GPR63: variants seen among roughly 807,000 people sequenced by gnomAD.
The protein encoded by GPR63 is G protein-coupled receptor 63, also known as probable G protein-coupled receptor 63.
GPR63 carries 12 observed loss-of-function variants against 23.1 expected under a neutral mutation model. That is an observed-to-expected ratio of 0.52 (90% CI 0.33 to 0.84). The LOEUF is 0.84. Ranked by LOEUF, GPR63 falls within the 40% of genes least tolerant of loss-of-function variation. GPR63 has a pLI of 0.02. For missense variants in GPR63, 472 were observed against 515.6 expected (o/e 0.92, Z 0.82); for synonymous variants, 172 against 191.1 (o/e 0.90, Z 0.82).
chr6:96,796,772 C>T lies in GPR63; in HGVS notation c.*1700G>A, dbSNP rs1045068458. The T allele has an allele frequency of 6.6e-6, 1 of 151,302 alleles. No homozygotes were observed. Among genetic ancestry groups the T allele is most frequent in the African/African-American group, 2.4e-5 (1 of 41,070 alleles). 9.4% of individuals were successfully genotyped at this position (151,302 alleles called of 1,614,324 possible). Reference sequence around the variant, plus strand: ...GATGGACAACTGGAAACCTCCAAACCCGCAGGGGCAAGACCTACACATAGC... The same window carrying T: ...GATGGACAACTGGAAACCTCCAAACTCGCAGGGGCAAGACCTACACATAGC... On this transcript the variant is annotated 3_prime_UTR_variant, in exon 2 of 2. Transcript: ENST00000229955.
rs1270395158 is a variant in GPR63 at position 96,798,171 on chromosome 6, A to G, written c.*301T>C. On this transcript the variant is annotated 3_prime_UTR_variant, in exon 2 of 2. Transcript: ENST00000229955. Reference sequence around the variant, plus strand: ...ATTCAATGTAACTGCAGGCTCAATAAAGCACAATCCTGATTCCCACTATGA... The same window carrying G: ...ATTCAATGTAACTGCAGGCTCAATAGAGCACAATCCTGATTCCCACTATGA... 4 of 287,176 alleles carry G rather than the reference A, an allele frequency of 1.4e-5. No individual in the cohort carries two copies. The highest frequency in any genetic ancestry group is 7.3e-5 in the South Asian group (1 of 13,714). 17.8% of individuals were successfully genotyped at this position (287,176 alleles called of 1,614,324 possible).
Position 96,799,221 on chromosome 6 carries a change from T to C in GPR63, c.511A>G (p.Ile171Val), listed in dbSNP as rs1451124364. The C allele has an allele frequency of 6.2e-7, 1 of 1,614,208 alleles. No individual in the cohort carries two copies. Residue 171 changes from isoleucine to valine, a missense_variant, in exon 2 of 2, where the codon ATC (isoleucine) becomes GTC (valine). By Grantham distance (29) the Ile-to-Val change is conservative. Coordinates refer to ENST00000229955, the MANE Select transcript of GPR63 (RefSeq NM_030784.4). ...FWLFVIEGVA[I>V]LLIISIDRFL... is the part of the protein sequence containing the mutation. ...CTATCTATGCTAATGATGAGCAGGA[T>C]GGCTACTCCTTCTATCACAAATAAC...
intron 1 of GPR63, among the ~76,000 whole-genome samples, chr6:96,814,792 C>T (rs1349497336): frequency 1.3e-5 from 2 of 151,948 alleles, no homozygotes; most frequent in African/African-American, 4.8e-5. Context: ...GGGCCTGAGG[C>T]AGCATGAGAG....
At chr6:96,834,437 C>T (rs1774668870) in intron 1 of GPR63, among the ~76,000 whole-genome samples, 1 of 152,026 alleles carries the variant, frequency 6.6e-6, no homozygotes, top group Non-Finnish European at 1.5e-5. Context: ...TGATCTCAGG[C>T]TGGTAGTCAA....
intron 1 of GPR63, among the ~76,000 whole-genome samples, chr6:96,801,196 A>C (rs1405706621): frequency 1.3e-5 from 2 of 150,582 alleles, no homozygotes; most frequent in Admixed American, 1.3e-4. Context: ...ATTTCGACTT[A>C]GAATCAGTCA....
At position 96,805,359 on chromosome 6, in the gene GPR63, G is replaced by T. The variant is rs12526630; in HGVS notation, c.-150-5478C>A. 2.9e-3 allele frequency among the ~76,000 whole-genome samples: 442 copies of T among 152,178 alleles called. 4 individuals are homozygous for T. The highest frequency in any genetic ancestry group is 9.9e-3 in the African/African-American group (409 of 41,516). ...CTCAGTGCAAAAACTCACTCACTAC[G>T]GGGAGGACAGCATCAAGGCATTCAT... On this transcript the variant is annotated intron_variant, in intron 1 of 1. Transcript: ENST00000229955.
chr6:96,803,642 G>A (rs1031873717), intron 1 of GPR63, among the ~76,000 whole-genome samples: 4 of 152,232 alleles, frequency 2.6e-5, no homozygotes, highest in African/African-American at 7.2e-5. Flanking sequence ...AACCAAAGCA[G>A]TGCTCTTGAA....
rs1287991528 is a variant in GPR63, at chr6:96,796,146, A to G, written c.*2326T>C. On this transcript the variant is annotated 3_prime_UTR_variant, in exon 2 of 2. Transcript: ENST00000229955. ...CTTTCAATGCCCCAACTCCTGATAC[A>G]GTGCCACACTCTTCAGACATTTAAT... is the stretch of plus-strand genomic sequence containing the variant. 1 of 152,184 alleles carries G rather than the reference A, an allele frequency of 6.6e-6. No individual in the cohort carries two copies. The highest frequency in any genetic ancestry group is 2.4e-5 in the African/African-American group (1 of 41,434). The allele number at this position is 152,184 out of a possible 1,614,324, so 9.4% of individuals were successfully genotyped here. A position where few individuals can be genotyped will look rare whatever the true frequency, so the allele number is the denominator to read the frequency against.
intron 1 of GPR63, among the ~76,000 whole-genome samples, chr6:96,821,931 G>A (rs1207575102): frequency 1.3e-5 from 2 of 151,832 alleles, no homozygotes; most frequent in African/African-American, 4.8e-5. Context: ...CAGGTACCTC[G>A]TTTCCAAGGA....
chr6:96,799,855 T>G lies in GPR63; in HGVS notation c.-124A>C. 2 of 916,494 alleles carry G rather than the reference T, an allele frequency of 2.2e-6. No homozygotes were observed. Among genetic ancestry groups the G allele is most frequent in the East Asian group, 5.0e-5 (2 of 39,858 alleles). The allele number at this position is 916,494 out of a possible 1,614,324, so 56.8% of individuals were successfully genotyped here. ...TACATTCTGGAAAATGGACAATGAG[T>G]TCCATCTTCCACAAGAGTCCTTTTG... On this transcript the variant is annotated 5_prime_UTR_variant, in exon 2 of 2. Transcript: ENST00000229955.
Position 96,797,053 on chromosome 6 carries a change from A to C in GPR63, c.*1419T>G, listed in dbSNP as rs1773600043. 6.6e-6 allele frequency: 1 copy of C among 151,450 alleles called. No individual in the cohort carries two copies. Among genetic ancestry groups the C allele is most frequent in the African/African-American group, 2.4e-5 (1 of 41,356 alleles). 9.4% of individuals were successfully genotyped at this position (151,450 alleles called of 1,614,324 possible). ...GTGAAACCTTGTCTTTACAAAAGAA[A>C]ATACAAAAAAATAGCTGGGTGTGGT... On this transcript the variant is annotated 3_prime_UTR_variant, in exon 2 of 2. Transcript: ENST00000229955.
chr6:96,799,089 C>T lies in GPR63; in HGVS notation c.643G>A (p.Val215Ile), dbSNP rs1582243166. The T allele has an allele frequency of 6.2e-7, 1 of 1,614,118 alleles. No individual in the cohort carries two copies. The highest frequency in any genetic ancestry group is 2.2e-5 in the East Asian group (1 of 44,880). Residue 215 changes from valine to isoleucine, a missense_variant, in exon 2 of 2, where the codon GTA (valine) becomes ATA (isoleucine). Physicochemically the swap from Val to Ile is conservative, Grantham distance 29. Transcript: ENST00000229955. ...GGTATCTGCAGGTCGGGGTTTCCTA[C>T]GGCTAAAGGAAAAGCTACACAAAAG... is the stretch of plus-strand genomic sequence containing the variant. ...TSFCVAFPLAVGNPDLQIPSR... is the reference protein window; with the variant it reads ...TSFCVAFPLAIGNPDLQIPSR...
intron 1 of GPR63, among the ~76,000 whole-genome samples, chr6:96,806,756 C>G (rs1773906945): frequency 6.6e-6 from 1 of 152,184 alleles, no homozygotes; most frequent in African/African-American, 2.4e-5. Flanking sequence ...GGGCACAGTT[C>G]AGTTACATGA....
At chr6:96,833,939 T>C (rs1013965793) in intron 1 of GPR63, among the ~76,000 whole-genome samples, 2 of 152,168 alleles carry the variant, frequency 1.3e-5, no homozygotes, top group African/African-American at 2.4e-5. Context: ...CCCCCATACC[T>C]GCAAATATAC....
intron 1 of GPR63, among the ~76,000 whole-genome samples, chr6:96,814,304 C>T (rs540737667): frequency 1.3e-5 from 2 of 152,110 alleles, no homozygotes; most frequent in African/African-American, 4.8e-5. Flanking sequence ...AATTGCCTCT[C>T]GTCTTTGAGC....
chr6:96,818,534 C>G (rs1283403018), intron 1 of GPR63, among the ~76,000 whole-genome samples: 2 of 151,916 alleles, frequency 1.3e-5, no homozygotes, highest in Non-Finnish European at 2.9e-5. Flanking sequence ...ATTTAAAAAA[C>G]AGAATTATGT....
chr6:96,799,508 C>T lies in GPR63; in HGVS notation c.224G>A (p.Ser75Asn). ...GGTGATCTGAAGAGGCAAGTTTAGG[C>T]TCTTAAATGCTGCTGGTGTTGTGGG... ...AVPTTPAAFK[S>N]LNLPLQITLS... Residue 75 changes from serine to asparagine, a missense_variant, in exon 2 of 2, where the codon AGC becomes AAC. By Grantham distance (46) the Ser-to-Asn change is conservative (BLOSUM62 1). Transcript: ENST00000229955. 6.2e-7 allele frequency: 1 copy of T among 1,614,090 alleles called. No individual in the cohort carries two copies. Among genetic ancestry groups the T allele is most frequent in the Non-Finnish European group, 8.5e-7 (1 of 1,180,034 alleles).
At chr6:96,826,784 G>A (rs1290300716) in intron 1 of GPR63, among the ~76,000 whole-genome samples, 1 of 151,582 alleles carries the variant, frequency 6.6e-6, no homozygotes, top group Non-Finnish European at 1.5e-5. Context: ...AAAAGAAAAC[G>A]GAAATAAAAA....
intron 1 of GPR63, among the ~76,000 whole-genome samples, chr6:96,831,301 CTG>C (rs1400218704): frequency 1.3e-5 from 2 of 152,124 alleles, no homozygotes; most frequent in African/African-American, 4.8e-5. Flanking sequence ...ATAGTTATAA[CTG>C]AGCACTCATG....
Sources: allele counts gnomAD v4.1 joint callset (sites outside exome capture counted in the v4.1 genomes callset), GRCh38; gene constraint gnomAD v4.1.1; transcripts MANE v1.5; gene names NCBI Gene and HGNC (gene_info 2026-07-23, HGNC 2026-07-21).